RXFP2: variants seen among roughly 807,000 people sequenced by gnomAD.
RXFP2 encodes relaxin family peptide receptor 2, also known as relaxin receptor 2.
RXFP2 carries 68 observed loss-of-function variants against 88.6 expected under a neutral mutation model. That is an observed-to-expected ratio of 0.77 (90% CI 0.63 to 0.94). The LOEUF (loss-of-function observed/expected upper bound fraction) is 0.94, where lower values mean the gene tolerates loss of function less well. Ranked by LOEUF, RXFP2 falls within the 40% of genes least tolerant of loss-of-function variation. RXFP2 has a pLI of 0.00. For missense variants in RXFP2, 791 were observed against 893.9 expected (o/e 0.88, Z 1.47); for synonymous variants, 329 against 306.8 (o/e 1.07, Z -0.76).
At chr13:31,751,073 T>C (rs987027868) in intron 1 of RXFP2, among the ~76,000 whole-genome samples, 3 of 152,142 alleles carry the variant, frequency 2.0e-5, no homozygotes, top group Non-Finnish European at 4.4e-5. Flanking sequence ...GTGGATCATC[T>C]GAGGTCAGGA....
chr13:31,773,292 A>G (rs1396017798), intron 5 of RXFP2, among the ~76,000 whole-genome samples: 1 of 152,250 alleles, frequency 6.6e-6, no homozygotes, highest in Non-Finnish European at 1.5e-5. Context: ...GATGCTTTGC[A>G]TATCACCACA....
Position 31,765,144 on chromosome 13 carries a change from T to C in RXFP2, c.425+2T>C, listed in dbSNP as rs753351285. 1 of 1,533,532 alleles carries C rather than the reference T, an allele frequency of 6.5e-7. No individual in the cohort carries two copies. Among genetic ancestry groups the C allele is most frequent in the Non-Finnish European group, 9.0e-7 (1 of 1,107,064 alleles). The allele number at this position is 1,533,532 out of a possible 1,614,324, so 95.0% of individuals were successfully genotyped here. A position where few individuals can be genotyped will look rare whatever the true frequency, so the allele number is the denominator to read the frequency against. On this transcript the variant is annotated splice_donor_variant, in intron 4 of 17. Coordinates refer to ENST00000298386, the MANE Select transcript of RXFP2 (RefSeq NM_130806.5). LOFTEE classifies it high-confidence loss of function. ...GATTTCTAACAATGTGACATTACTG[T>C]GAGTAAAACTTAATTATTGGTGATA...
In RXFP2 at chr13:31,802,325, A is replaced by C. The variant is rs776245812; in HGVS notation, c.2185A>C (p.Ile729Leu). The change falls in exon 18 of 18, where the codon ATA (isoleucine) becomes CTA (leucine). Residue 729 changes from isoleucine to leucine, a missense_variant. Ile to Leu is a conservative substitution (Grantham distance 5). Transcript: ENST00000298386. ...AAGTTTATCTACATCCATTGTGTGG[A>C]TAGAGGACTCCTCTTCCCTGAAACT... ...KKSLSTSIVW[I>L]EDSSSLKLGV... The C allele has an allele frequency of 6.2e-7, 1 of 1,613,350 alleles. No individual in the cohort carries two copies. Among genetic ancestry groups the C allele is most frequent in the East Asian group, 2.2e-5 (1 of 44,876 alleles).
At chr13:31,747,961 C>T (rs554259707) in intron 1 of RXFP2, among the ~76,000 whole-genome samples, 1 of 152,238 alleles carries the variant, frequency 6.6e-6, no homozygotes, top group Admixed American at 6.5e-5. Context: ...AAAGTCAGAG[C>T]TGCAAAGAAT....
chr13:31,757,376 G>A (rs1593449960), intron 1 of RXFP2, among the ~76,000 whole-genome samples: 2 of 152,196 alleles, frequency 1.3e-5, no homozygotes, highest in East Asian at 1.9e-4. Context: ...GGATAATATC[G>A]CCCATACATA....
chr13:31,766,050 T>C lies in RXFP2; in HGVS notation c.497+23T>C, dbSNP rs1206311396. On this transcript the variant is annotated intron_variant, in intron 5 of 17. Transcript: ENST00000298386. ...GATGTAAGTAGCCGTTAATAGCATATTTATTTAAAAAAAATCCTCGTGGTG... is the reference window on the plus strand; with the variant it reads ...GATGTAAGTAGCCGTTAATAGCATACTTATTTAAAAAAAATCCTCGTGGTG... The C allele has an allele frequency of 5.3e-6, 6 of 1,122,364 alleles. No homozygotes were observed. The East Asian group carries it at 1.0e-4, about 19-fold the overall frequency. The allele number at this position is 1,122,364 out of a possible 1,614,324, so 69.5% of individuals were successfully genotyped here. A position where few individuals can be genotyped will look rare whatever the true frequency, so the allele number is the denominator to read the frequency against.
intron 9 of RXFP2, among the ~76,000 whole-genome samples, chr13:31,779,625 A>G (rs1044579671): frequency 6.6e-6 from 1 of 152,078 alleles, no homozygotes; most frequent in Non-Finnish European, 1.5e-5. Flanking sequence ...ATACACCTTC[A>G]CGGTCTTCTG....
intron 11 of RXFP2, 144 bp downstream of exon 11, chr13:31,782,891 T>C: frequency 3.1e-6 from 2 of 648,958 alleles, no homozygotes; most frequent in South Asian, 3.3e-5. Context: ...AAAACCAACA[T>C]TATCCTGAAG....
At chr13:31,742,034 T>C (rs1871240350) in intron 1 of RXFP2, among the ~76,000 whole-genome samples, 1 of 152,106 alleles carries the variant, frequency 6.6e-6, no homozygotes, top group Non-Finnish European at 1.5e-5. Context: ...AAAAACAGTA[T>C]CTGTCTCTAA....
At chr13:31,754,770 G>C (rs1335866920) in intron 1 of RXFP2, among the ~76,000 whole-genome samples, 1 of 152,120 alleles carries the variant, frequency 6.6e-6, no homozygotes. Context: ...AAAGAGATTT[G>C]AAATAAAATA....
At chr13:31,745,897 C>A (rs150102916) in intron 1 of RXFP2, among the ~76,000 whole-genome samples, 77 of 152,170 alleles carry the variant, frequency 5.1e-4, no homozygotes, top group African/African-American at 1.8e-3. Flanking sequence ...GATCTGGAGT[C>A]GTGAAGTAAA....
intron 1 of RXFP2, among the ~76,000 whole-genome samples, chr13:31,751,207 A>T (rs988240479): frequency 1.3e-5 from 2 of 152,066 alleles, no homozygotes; most frequent in African/African-American, 4.8e-5. Context: ...CAGGAGAATC[A>T]CTTGAACCCT....
At chr13:31,756,887 G>A (rs996249020) in intron 1 of RXFP2, among the ~76,000 whole-genome samples, 3 of 151,950 alleles carry the variant, frequency 2.0e-5, no homozygotes, top group Admixed American at 6.6e-5. Context: ...TCAAAGTGCT[G>A]GGATTACAGG....
chr13:31,759,469 G>T lies in RXFP2; in HGVS notation c.241+1065G>T, dbSNP rs538132685. ...AGATACTGTGAAATATTCTGGAGGG[G>T]CAGAATTCCAGGCAAAGGCAACATC... On this transcript the variant is annotated intron_variant, in intron 2 of 17. Coordinates refer to ENST00000298386, the MANE Select transcript of RXFP2 (RefSeq NM_130806.5). Among the ~76,000 whole-genome samples the T allele has an allele frequency of 2.9e-4, 37 of 127,552 alleles. No homozygotes were observed. In the South Asian group the frequency reaches 3.7e-3, roughly 13 times the overall value. 83.7% of individuals were successfully genotyped at this position (127,552 alleles called of 152,430 possible).
At chr13:31,743,086 G>A (rs1374987108) in intron 1 of RXFP2, among the ~76,000 whole-genome samples, 4 of 152,220 alleles carry the variant, frequency 2.6e-5, no homozygotes, top group Non-Finnish European at 4.4e-5. Flanking sequence ...GAAGGTCAAT[G>A]TTGTTATCAG....
rs539212148 is a variant in RXFP2, at chr13:31,755,473, C to T, written c.95-2785C>T. On this transcript the variant is annotated intron_variant, in intron 1 of 17. Coordinates refer to ENST00000298386, the MANE Select transcript of RXFP2 (RefSeq NM_130806.5). ...TGGGGGTGTAGGTGTGTGTTGGGAG[C>T]GTGGGTACGGCTGGGTGCATGCTGG... Among the ~76,000 whole-genome samples the T allele has an allele frequency of 3.3e-5, 5 of 151,638 alleles. No homozygotes were observed. In the South Asian group the frequency reaches 6.3e-4, roughly 19 times the overall value.
At chr13:31,796,792 G>T (rs1396921742) in intron 16 of RXFP2, among the ~76,000 whole-genome samples, 1 of 152,168 alleles carries the variant, frequency 6.6e-6, no homozygotes, top group Non-Finnish European at 1.5e-5. Context: ...CTAAGTACAG[G>T]TTAAGCATTT....
chr13:31,739,530 C>A lies in RXFP2; in HGVS notation c.-83C>A. On this transcript the variant is annotated 5_prime_UTR_variant, in exon 1 of 18. Transcript: ENST00000298386. ...GTTCTAGCTGTGAGCATGCTCAGAA[C>A]ATGGGAGGCACTGAACTTACTACAT... The A allele has an allele frequency of 1.2e-6, 1 of 842,972 alleles. No homozygotes were observed. Among genetic ancestry groups the A allele is most frequent in the Non-Finnish European group, 2.1e-6 (1 of 482,460 alleles). 52.2% of individuals were successfully genotyped at this position (842,972 alleles called of 1,614,324 possible).
chr13:31,758,462 T>G, intron 2 of RXFP2, 58 bp downstream of exon 2: 1 of 1,583,312 alleles, frequency 6.3e-7, no homozygotes, highest in Non-Finnish European at 8.7e-7. Context: ...CCCAAAACTG[T>G]GGGTCGGTTG....
Sources: allele counts gnomAD v4.1 joint callset (sites outside exome capture counted in the v4.1 genomes callset), GRCh38; gene constraint gnomAD v4.1.1; transcripts MANE v1.5; gene names NCBI Gene and HGNC (gene_info 2026-07-23, HGNC 2026-07-21).